MAP2: variants seen among roughly 807,000 people sequenced by gnomAD.
MAP2 encodes the protein microtubule-associated protein 2.
Under a neutral mutation model 137.6 loss-of-function variants are expected in MAP2, and 14 were observed. The ratio of observed to expected loss-of-function variants is 0.10; its 90% CI spans 0.07 to 0.16. The LOEUF (loss-of-function observed/expected upper bound fraction) is 0.16. Among genes scored for constraint, MAP2 ranks in the 10% least tolerant of loss-of-function variants. The pLI, the probability that MAP2 is intolerant of heterozygous loss-of-function variation, is 1.00. For missense variants in MAP2, 2,088 were observed against 2,191.5 expected (o/e 0.95, Z 0.94); for synonymous variants, 786 against 782.3 (o/e 1.00, Z -0.08).
At chr2:209,543,166 A>C (rs747470794) in intron 2 of MAP2, among the ~76,000 whole-genome samples, 1 of 152,214 alleles carries the variant, frequency 6.6e-6, no homozygotes, top group Admixed American at 6.5e-5. Flanking sequence ...ATCTCAGGGA[A>C]TAGGGAAACC....
intron 2 of MAP2, among the ~76,000 whole-genome samples, chr2:209,568,221 C>G (rs904180232): frequency 1.3e-5 from 2 of 151,950 alleles, no homozygotes; most frequent in Non-Finnish European, 2.9e-5. Flanking sequence ...CCCTAGGGTA[C>G]ACTGTCCCCT....
intron 4 of MAP2, among the ~76,000 whole-genome samples, chr2:209,646,616 A>G (rs1436029504): frequency 2.0e-5 from 3 of 152,176 alleles, no homozygotes; most frequent in Admixed American, 6.5e-5. Context: ...TAAAAGACCT[A>G]CCCATCAGCT....
At chr2:209,502,262 C>T (rs1245443190) in intron 1 of MAP2, among the ~76,000 whole-genome samples, 1 of 152,154 alleles carries the variant, frequency 6.6e-6, no homozygotes, top group Non-Finnish European at 1.5e-5. Flanking sequence ...GCCAACCTCC[C>T]CACCTCCAGA....
At chr2:209,525,045 G>A (rs961838995) in intron 2 of MAP2, among the ~76,000 whole-genome samples, 3 of 151,972 alleles carry the variant, frequency 2.0e-5, no homozygotes, top group Admixed American at 1.3e-4. Context: ...AAATTAAATG[G>A]AGATGAGCCG....
intron 7 of MAP2, chr2:209,690,662 A>G (rs1164998652): frequency 3.9e-6 from 5 of 1,289,590 alleles, no homozygotes; most frequent in Non-Finnish European, 5.1e-6. Context: ...TCTTCCTGAG[A>G]AAGAGTGTGG....
intron 11 of MAP2, chr2:209,704,456 A>G (rs1390861774): frequency 6.2e-7 from 1 of 1,604,742 alleles, no homozygotes; most frequent in Non-Finnish European, 8.5e-7. Context: ...CTAGAATTCT[A>G]CCTTGTCAAA....
chr2:209,451,247 C>G (rs1279273199), intron 1 of MAP2, among the ~76,000 whole-genome samples: 1 of 152,198 alleles, frequency 6.6e-6, no homozygotes, highest in African/African-American at 2.4e-5. Flanking sequence ...CCACTCTCCA[C>G]CTTTCTCTAC....
At chr2:209,620,684 G>A (rs2090866841) in intron 3 of MAP2, among the ~76,000 whole-genome samples, 1 of 152,136 alleles carries the variant, frequency 6.6e-6, no homozygotes, top group African/African-American at 2.4e-5. Flanking sequence ...TTAAAAGACT[G>A]CTTGAATAAT....
rs922019554 is a variant in MAP2 at position 209,713,341 on chromosome 2, G to A, written c.5073+3087G>A. Among the ~76,000 whole-genome samples the A allele has an allele frequency of 4.6e-5, 7 of 152,156 alleles. No individual in the cohort carries two copies. The East Asian group carries it at 1.2e-3, about 25-fold the overall frequency. ...GTATGTACAGGTTTTGTGCTTAACA[G>A]CAGCTATCTCTTCTGTTAAGGTCCA... On this transcript the variant is annotated intron_variant, in intron 13 of 15. Coordinates refer to ENST00000682079, the MANE Select transcript of MAP2 (RefSeq NM_001375505.1).
chr2:209,593,842 TAA>T lies in MAP2; in HGVS notation c.-107+13743_-107+13744del, dbSNP rs60294753. The stretch of plus-strand genomic sequence containing the variant: ...AATACATTATATTTATATTATATTA[TAA>T]TATATATTATAAAATATATATTTAT... On this transcript the variant is annotated intron_variant, in intron 3 of 15. Transcript: ENST00000682079. Among the ~76,000 whole-genome samples the T allele has an allele frequency of 2.4e-4, 22 of 91,992 alleles. 1 individual carries two copies. Among genetic ancestry groups the T allele is most frequent in the East Asian group, 5.3e-4 (2 of 3,752 alleles). 60.4% of individuals were successfully genotyped at this position (91,992 alleles called of 152,430 possible). A position where few individuals can be genotyped will look rare whatever the true frequency, so the allele number is the denominator to read the frequency against.
At chr2:209,656,191 G>C (rs1422630043) in intron 5 of MAP2, among the ~76,000 whole-genome samples, 1 of 152,038 alleles carries the variant, frequency 6.6e-6, no homozygotes. Flanking sequence ...ACACCAGAGG[G>C]TGGGAGAGTG....
intron 4 of MAP2, among the ~76,000 whole-genome samples, chr2:209,650,248 T>C (rs986021183): frequency 2.4e-4 from 36 of 152,176 alleles, no homozygotes; most frequent in Non-Finnish European, 4.0e-4. Flanking sequence ...CCAGATCCTC[T>C]TGGGGATGTT....
At chr2:209,471,002 T>G (rs1705564603) in intron 1 of MAP2, among the ~76,000 whole-genome samples, 1 of 152,198 alleles carries the variant, frequency 6.6e-6, no homozygotes, top group Admixed American at 6.5e-5. Flanking sequence ...ATGTCCCTGT[T>G]TAAAGGTCTT....
At chr2:209,663,690 A>T (rs1259638251) in intron 5 of MAP2, among the ~76,000 whole-genome samples, 1 of 152,170 alleles carries the variant, frequency 6.6e-6, no homozygotes, top group Admixed American at 6.5e-5. Context: ...TCCTAAATAC[A>T]TATGATTCAG....
intron 1 of MAP2, among the ~76,000 whole-genome samples, chr2:209,495,069 C>A (rs1041935314): frequency 6.6e-6 from 1 of 152,220 alleles, no homozygotes; most frequent in East Asian, 1.9e-4. Context: ...CAAAGCCACC[C>A]GAAGTTTGGA....
At chr2:209,678,196 G>GAT (rs2052834546) in intron 5 of MAP2, among the ~76,000 whole-genome samples, 1 of 151,912 alleles carries the variant, frequency 6.6e-6, no homozygotes, top group Admixed American at 6.6e-5. Flanking sequence ...CTTCACATTG[G>GAT]AGGTTAGGAG....
intron 7 of MAP2, among the ~76,000 whole-genome samples, chr2:209,691,590 T>A (rs2058918432): frequency 6.6e-6 from 1 of 152,214 alleles, no homozygotes; most frequent in Non-Finnish European, 1.5e-5. Context: ...ATAACTACAT[T>A]TAGCTCTAAT....
chr2:209,583,259 C>T (rs545230994), intron 3 of MAP2, among the ~76,000 whole-genome samples: 1 of 151,870 alleles, frequency 6.6e-6, no homozygotes, highest in South Asian at 2.1e-4. Flanking sequence ...TATTCAAGCT[C>T]TATTGTATTT....
Position 209,723,746 on chromosome 2 carries a change from A to G in MAP2, c.5074-1963A>G, listed in dbSNP as rs1030120627. 5 of 1,139,868 alleles carry G rather than the reference A, an allele frequency of 4.4e-6. No individual in the cohort carries two copies. In the Admixed American group the frequency reaches 6.8e-5, roughly 16 times the overall value. The allele number at this position is 1,139,868 out of a possible 1,614,324, so 70.6% of individuals were successfully genotyped here. A position where few individuals can be genotyped will look rare whatever the true frequency, so the allele number is the denominator to read the frequency against. On this transcript the variant is annotated intron_variant, in intron 13 of 15. Transcript: ENST00000682079. ...ATTGCGTGGAGCCACCTGCACAGCC[A>G]GCACCCTGCCTTCTTTCCCACCTCT...
Sources: gnomAD v4.1 joint callset for allele counts (sites outside exome capture counted in the v4.1 genomes callset) on GRCh38, gnomAD v4.1.1 for gene constraint, MANE v1.5 for transcripts, NCBI Gene and HGNC (gene_info 2026-07-23, HGNC 2026-07-21) for gene names.